Variants in DLG1 observed in about 807,000 individuals in gnomAD.
DLG1 encodes the protein disks large homolog 1.
In DLG1, 42 loss-of-function variants were observed where a neutral mutation model predicts 123.4. The ratio of observed to expected loss-of-function variants is 0.34; its 90% CI spans 0.27 to 0.44. The LOEUF (loss-of-function observed/expected upper bound fraction) is 0.44, where lower values mean the gene tolerates loss of function less well. Ranked by LOEUF, DLG1 falls within the 20% of genes least tolerant of loss-of-function variation. The probability of loss-of-function intolerance (pLI) is 1.00; values close to 1 mark genes in which losing one functional copy is unlikely to be tolerated. For missense variants in DLG1, 942 were observed against 1,082.6 expected (o/e 0.87, Z 1.82); for synonymous variants, 317 against 356.2 (o/e 0.89, Z 1.24).
chr3:197,253,445 T>C (rs969894129), intron 4 of DLG1, among the ~76,000 whole-genome samples: 1 of 152,130 alleles, frequency 6.6e-6, no homozygotes, highest in African/African-American at 2.4e-5. Flanking sequence ...CACATTGCTG[T>C]TGGAAATGTA....
chr3:197,285,646 T>C (rs1771490202), intron 3 of DLG1, among the ~76,000 whole-genome samples: 2 of 152,170 alleles, frequency 1.3e-5, no homozygotes, highest in Non-Finnish European at 2.9e-5. Flanking sequence ...CAAGTGAGCA[T>C]ATATCAAATA....
chr3:197,149,767 T>TG lies in DLG1; in HGVS notation c.512dup (p.Asp172ArgfsTer2). The TG allele has an allele frequency of 6.2e-7, 1 of 1,602,310 alleles. No individual in the cohort carries two copies. The highest frequency in any genetic ancestry group is 8.5e-7 in the Non-Finnish European group (1 of 1,170,488). ...CGTAAGTTGGTGTTTCCAAGCTATC[T>TG]GTGTTGACCAGTACTGGGGGAGGAT... On this transcript the variant is annotated frameshift_variant, in exon 6 of 25. Coordinates refer to ENST00000667157, the MANE Select transcript of DLG1 (RefSeq NM_001366207.1). LOFTEE classifies it high-confidence loss of function.
At chr3:197,295,104 C>T (rs1022760148) in intron 3 of DLG1, among the ~76,000 whole-genome samples, 15 of 152,144 alleles carry the variant, frequency 9.9e-5, no homozygotes, top group African/African-American at 2.7e-4. Context: ...TAAAAAATGT[C>T]CATCAATGTA....
chr3:197,292,973 T>C (rs1668861), intron 3 of DLG1, among the ~76,000 whole-genome samples: 114,887 of 151,998 alleles, frequency 0.76, 43,524 homozygotes, highest in East Asian at 0.82. Context: ...AGCAGTGTCA[T>C]CTCAGATCCC....
intron 5 of DLG1, among the ~76,000 whole-genome samples, chr3:197,182,737 A>G (rs1413198759): frequency 6.6e-6 from 1 of 152,084 alleles, no homozygotes; most frequent in Non-Finnish European, 1.5e-5. Context: ...TATTTTTACT[A>G]AAGTTGAACT....
At chr3:197,128,679 T>G (rs561725394) in intron 11 of DLG1, among the ~76,000 whole-genome samples, 1 of 152,326 alleles carries the variant, frequency 6.6e-6, no homozygotes, top group South Asian at 2.1e-4. Flanking sequence ...TCTTAAATAG[T>G]AAGACTTGAA....
intron 17 of DLG1, among the ~76,000 whole-genome samples, chr3:197,077,924 C>T (rs978776244): frequency 6.6e-6 from 1 of 152,016 alleles, no homozygotes; most frequent in Non-Finnish European, 1.5e-5. Context: ...TTATACACAT[C>T]TTAAGATGCT....
intron 4 of DLG1, among the ~76,000 whole-genome samples, chr3:197,281,796 T>C (rs1406956245): frequency 1.3e-5 from 2 of 152,204 alleles, no homozygotes; most frequent in Non-Finnish European, 2.9e-5. Flanking sequence ...TTTCCTCATC[T>C]TTAACATGAA....
intron 19 of DLG1, among the ~76,000 whole-genome samples, chr3:197,067,837 G>A (rs544049891): frequency 6.6e-6 from 1 of 152,310 alleles, no homozygotes; most frequent in African/African-American, 2.4e-5. Flanking sequence ...GATTACAGGC[G>A]TGAGCCGCCG....
intron 4 of DLG1, among the ~76,000 whole-genome samples, chr3:197,250,101 A>G (rs1753632508): frequency 6.6e-6 from 1 of 152,216 alleles, no homozygotes; most frequent in African/African-American, 2.4e-5. Context: ...TTGAAAAGGA[A>G]GAAGTCAAAT....
intron 4 of DLG1, among the ~76,000 whole-genome samples, chr3:197,273,959 C>CA (rs899516183): frequency 1.7e-4 from 25 of 147,870 alleles, no homozygotes; most frequent in Non-Finnish European, 2.7e-4. Flanking sequence ...GAAGAGGACA[C>CA]AAAAAAAATG....
intron 5 of DLG1, among the ~76,000 whole-genome samples, chr3:197,185,205 T>A (rs934130340): frequency 6.6e-5 from 10 of 152,238 alleles, no homozygotes; most frequent in Non-Finnish European, 1.3e-4. Flanking sequence ...GCCATGGATA[T>A]TTTTTCGGAT....
intron 11 of DLG1, among the ~76,000 whole-genome samples, chr3:197,127,015 G>T (rs1035012571): frequency 6.6e-6 from 1 of 152,064 alleles, no homozygotes; most frequent in African/African-American, 2.4e-5. Flanking sequence ...TTATTTACGG[G>T]TTCTTCAAAC....
At chr3:197,129,931 T>C (rs1441714199) in intron 11 of DLG1, among the ~76,000 whole-genome samples, 1 of 152,170 alleles carries the variant, frequency 6.6e-6, no homozygotes, top group Non-Finnish European at 1.5e-5. Context: ...AGTGATCACA[T>C]ATTACTGTAA....
At chr3:197,216,152 GA>G (rs945087135) in intron 4 of DLG1, among the ~76,000 whole-genome samples, 3 of 152,128 alleles carry the variant, frequency 2.0e-5, no homozygotes, top group African/African-American at 7.2e-5. Flanking sequence ...ATAACAAAGA[GA>G]AAATTTACTT....
intron 4 of DLG1, among the ~76,000 whole-genome samples, chr3:197,219,472 T>C (rs1306543170): frequency 1.3e-5 from 2 of 152,226 alleles, no homozygotes; most frequent in African/African-American, 4.8e-5. Flanking sequence ...CATCAAAGCC[T>C]AGATTCAAAA....
chr3:197,282,853 A>G lies in DLG1; in HGVS notation c.152-8T>C. 1.2e-5 allele frequency: 18 copies of G among 1,464,376 alleles called. No homozygotes were observed. The highest frequency in any genetic ancestry group is 1.5e-5 in the Non-Finnish European group (16 of 1,072,986). 90.7% of individuals were successfully genotyped at this position (1,464,376 alleles called of 1,614,324 possible). Reference sequence around the variant, plus strand: ...CATAAAATTCTTGAATATCTAGAAGAAGGAAAATAAAAATTCATAAGTATT... The same window carrying G: ...CATAAAATTCTTGAATATCTAGAAGGAGGAAAATAAAAATTCATAAGTATT... On this transcript the variant is annotated splice_polypyrimidine_tract_variant and splice_region_variant and intron_variant, in intron 3 of 24. Coordinates refer to ENST00000667157, the MANE Select transcript of DLG1 (RefSeq NM_001366207.1).
intron 11 of DLG1, among the ~76,000 whole-genome samples, chr3:197,128,837 G>GT (rs369511144): frequency 0.018 from 2,671 of 147,944 alleles, 36 homozygotes; most frequent in South Asian, 0.025. Context: ...TGAAAGGAGT[G>GT]TTTTTTTTTT....
chr3:197,186,801 C>G (rs1716290442), intron 5 of DLG1, among the ~76,000 whole-genome samples: 1 of 152,140 alleles, frequency 6.6e-6, no homozygotes, highest in Non-Finnish European at 1.5e-5. Context: ...TGGTCTTGAA[C>G]TCCTTGGCTC....
Sources: gnomAD v4.1 joint callset for allele counts (sites outside exome capture counted in the v4.1 genomes callset) on GRCh38, gnomAD v4.1.1 for gene constraint, MANE v1.5 for transcripts, NCBI Gene and HGNC (gene_info 2026-07-23, HGNC 2026-07-21) for gene names.